SNX9: variants seen among roughly 807,000 people sequenced by gnomAD.
The protein encoded by SNX9 is sorting nexin-9.
In SNX9, 44 loss-of-function variants were observed where a neutral mutation model predicts 89.4. The observed-to-expected ratio is 0.49, with a 90% CI of 0.39 to 0.63. The LOEUF (loss-of-function observed/expected upper bound fraction) is 0.63. Ranked by LOEUF, SNX9 falls within the 30% of genes least tolerant of loss-of-function variation. The probability of loss-of-function intolerance (pLI) is 0.00; values close to 1 mark genes in which losing one functional copy is unlikely to be tolerated. For missense variants in SNX9, 578 were observed against 736.1 expected (o/e 0.79, Z 2.49); for synonymous variants, 236 against 247.8 (o/e 0.95, Z 0.45).
intron 4 of SNX9, among the ~76,000 whole-genome samples, chr6:157,876,200 C>G (rs1372663860): frequency 1.3e-5 from 2 of 151,932 alleles, no homozygotes; most frequent in African/African-American, 4.8e-5. Context: ...TGTAATCCCA[C>G]CAGCACTTTG....
At chr6:157,922,211 T>G (rs1035607572) in intron 10 of SNX9, among the ~76,000 whole-genome samples, 1 of 152,220 alleles carries the variant, frequency 6.6e-6, no homozygotes, top group African/African-American at 2.4e-5. Context: ...TTCATTAAAA[T>G]CAAGGAAACG....
chr6:157,917,218 C>A (rs1394893126), intron 9 of SNX9, among the ~76,000 whole-genome samples: 2 of 151,922 alleles, frequency 1.3e-5, no homozygotes, highest in Non-Finnish European at 2.9e-5. Flanking sequence ...TAGGTCTACT[C>A]CTTCATTTCT....
At chr6:157,932,866 CAAAAAAAAAAAAAAA>C (rs10545432) in intron 13 of SNX9, among the ~76,000 whole-genome samples, 1 of 39,202 alleles carries the variant, frequency 2.6e-5, no homozygotes, top group Non-Finnish European at 4.6e-5. Context: ...GACCCTGTCT[CAAAAAAAAAAAAAAA>C]AAAAAAAAAA....
intron 9 of SNX9, among the ~76,000 whole-genome samples, chr6:157,915,822 C>CAAAAAAAAA (rs570701086): frequency 4.5e-5 from 4 of 89,378 alleles, no homozygotes; most frequent in Admixed American, 1.2e-4. Flanking sequence ...TAGACTCTGT[C>CAAAAAAAAA]AAAAAAAAAA....
intron 1 of SNX9, among the ~76,000 whole-genome samples, chr6:157,866,512 T>G (rs899092902): frequency 6.6e-6 from 1 of 152,134 alleles, no homozygotes; most frequent in African/African-American, 2.4e-5. Flanking sequence ...AGGTCGAGGC[T>G]GCATTGACCC....
At chr6:157,917,167 T>G (rs1783489324) in intron 9 of SNX9, among the ~76,000 whole-genome samples, 1 of 152,198 alleles carries the variant, frequency 6.6e-6, no homozygotes, top group Non-Finnish European at 1.5e-5. Flanking sequence ...AGGTATAGTT[T>G]TAGAGTTGCT....
chr6:157,906,728 A>G (rs1783225176), intron 7 of SNX9, among the ~76,000 whole-genome samples: 1 of 152,226 alleles, frequency 6.6e-6, no homozygotes, highest in Admixed American at 6.5e-5. Flanking sequence ...CTGTCTTAGA[A>G]TTACTTGGTT....
chr6:157,873,644 A>G (rs1055177794), intron 3 of SNX9, among the ~76,000 whole-genome samples: 1 of 148,876 alleles, frequency 6.7e-6, no homozygotes, highest in African/African-American at 2.4e-5. Context: ...ATATAGATAT[A>G]TATTTATAAT....
intron 1 of SNX9, among the ~76,000 whole-genome samples, chr6:157,824,538 CT>C (rs1240368452): frequency 2.0e-5 from 3 of 152,048 alleles, no homozygotes; most frequent in Non-Finnish European, 2.9e-5. Flanking sequence ...TAGGTGTTTG[CT>C]TTTTTTGTGG....
intron 9 of SNX9, among the ~76,000 whole-genome samples, chr6:157,914,463 CTTTTTCT>C (rs1783416888): frequency 1.0e-5 from 1 of 96,632 alleles, no homozygotes; most frequent in Non-Finnish European, 2.0e-5. Context: ...TTGTCATTTT[CTTTTTCT>C]TTTTTTTTTT....
At chr6:157,914,469 C>CTTTTTCTTTTTTTTTTTTTTTTTTTTTT (rs1783418214) in intron 9 of SNX9, among the ~76,000 whole-genome samples, 1 of 75,130 alleles carries the variant, frequency 1.3e-5, no homozygotes, top group Admixed American at 2.1e-4. Context: ...TTTTCTTTTT[C>CTTTTTCTTTTTTTTTTTTTTTTTTTTTT]TTTTTTTTTT....
At chr6:157,877,632 G>A (rs1321324367) in intron 4 of SNX9, among the ~76,000 whole-genome samples, 1 of 152,142 alleles carries the variant, frequency 6.6e-6, no homozygotes, top group Non-Finnish European at 1.5e-5. Flanking sequence ...TGTGTGCTCT[G>A]AGGTGAGCTG....
At chr6:157,906,328 C>T (rs753385326) in intron 7 of SNX9, 116 bp downstream of exon 7, 14 of 733,042 alleles carry the variant, frequency 1.9e-5, no homozygotes, top group Non-Finnish European at 3.1e-5. Context: ...TATTTAATGC[C>T]CCACATAACT....
At chr6:157,877,526 G>C (rs1193923667) in intron 4 of SNX9, among the ~76,000 whole-genome samples, 1 of 152,164 alleles carries the variant, frequency 6.6e-6, no homozygotes, top group African/African-American at 2.4e-5. Flanking sequence ...AAGATGTCAC[G>C]AGTAGGAAAC....
intron 4 of SNX9, among the ~76,000 whole-genome samples, chr6:157,882,444 A>G (rs1297115598): frequency 6.6e-6 from 1 of 152,192 alleles, no homozygotes; most frequent in Non-Finnish European, 1.5e-5. Context: ...AGTAATTTTG[A>G]CTTCTAAGTC....
At chr6:157,873,054 C>G in intron 2 of SNX9, 48 bp from the exon 3 acceptor site, 1 of 1,462,262 alleles carries the variant, frequency 6.8e-7, no homozygotes, top group South Asian at 1.4e-5. Flanking sequence ...TCCAGGAAAT[C>G]TCAACTGTAA....
At chr6:157,903,856 A>T (rs780481825) in intron 6 of SNX9, among the ~76,000 whole-genome samples, 1 of 152,320 alleles carries the variant, frequency 6.6e-6, no homozygotes, top group Non-Finnish European at 1.5e-5. Flanking sequence ...CTAAAATATC[A>T]TTCCAGGCTG....
intron 7 of SNX9, among the ~76,000 whole-genome samples, chr6:157,908,362 G>A (rs536152575): frequency 1.6e-4 from 25 of 152,230 alleles, no homozygotes; most frequent in African/African-American, 5.8e-4. Flanking sequence ...CCATGTGTTT[G>A]TTTTTTCATT....
chr6:157,832,777 C>T (rs1413449485), intron 1 of SNX9, among the ~76,000 whole-genome samples: 1 of 152,166 alleles, frequency 6.6e-6, no homozygotes, highest in Non-Finnish European at 1.5e-5. Flanking sequence ...CAATTACCCC[C>T]ACCAGGTGCC....
Sources: allele counts gnomAD v4.1 joint callset (sites outside exome capture counted in the v4.1 genomes callset), GRCh38; gene constraint gnomAD v4.1.1; transcripts MANE v1.5; gene names NCBI Gene and HGNC (gene_info 2026-07-23, HGNC 2026-07-21).